The following RP1 variants were observed in gnomAD, a reference collection of about 807,000 sequenced individuals.
The protein encoded by RP1 is oxygen-regulated protein 1.
RP1 carries 16 observed loss-of-function variants against 14.8 expected under a neutral mutation model. The ratio of observed to expected loss-of-function variants is 1.08; its 90% CI spans 0.73 to 1.65. RP1 has a LOEUF of 1.65. Among genes scored for constraint, RP1 ranks in the 40% most tolerant of loss-of-function variants. RP1 has a pLI of 0.00. For missense variants in RP1, 2,631 were observed against 2,535.0 expected (o/e 1.04, Z -0.81); for synonymous variants, 876 against 883.6 (o/e 0.99, Z 0.15).
At chr8:54,662,673 G>A (rs1563340961) in intron 6 of RP1, among the ~76,000 whole-genome samples, 1 of 152,150 alleles carries the variant, frequency 6.6e-6, no homozygotes. Flanking sequence ...CCCCATATCT[G>A]AGGTCCCAGT....
At position 54,799,471 on chromosome 8, in the gene RP1, A is replaced by T. The variant is rs565720023; in HGVS notation, c.3615+15761A>T. ...CCTGTCATTTCACTATGTTTAGACCATTCTCATTTAAAGTGATTATTATAT... is the reference window on the plus strand; with the variant it reads ...CCTGTCATTTCACTATGTTTAGACCTTTCTCATTTAAAGTGATTATTATAT... On this transcript the variant is annotated intron_variant, in intron 24 of 28. Coordinates refer to the RP1 transcript ENST00000637698. 3.3e-5 allele frequency among the ~76,000 whole-genome samples: 5 copies of T among 152,080 alleles called. No individual in the cohort carries two copies. The South Asian group carries it at 1.0e-3, about 32-fold the overall frequency.
intron 25 of RP1, among the ~76,000 whole-genome samples, chr8:54,845,513 A>G (rs976325769): frequency 6.6e-5 from 10 of 152,226 alleles, no homozygotes; most frequent in Non-Finnish European, 1.5e-4. Flanking sequence ...GGACTTCTGC[A>G]GCAGTGCCCT....
rs1488349019 is a variant in RP1, at chr8:54,757,272, A to G, written c.3093+1502A>G. Among the ~76,000 whole-genome samples the G allele has an allele frequency of 3.3e-5, 5 of 152,230 alleles. No homozygotes were observed. In the East Asian group the frequency reaches 9.6e-4, roughly 29 times the overall value. ...CTCTACAAGGTGTCCTGGCACGATAATAAAACATAGCAATATATGTAACAG... is the reference window on the plus strand; with the variant it reads ...CTCTACAAGGTGTCCTGGCACGATAGTAAAACATAGCAATATATGTAACAG... On this transcript the variant is annotated intron_variant, in intron 21 of 22. Coordinates refer to the RP1 transcript ENST00000636932.
chr8:54,585,571 G>T (rs1563318727), intron 1 of RP1, among the ~76,000 whole-genome samples: 1 of 152,158 alleles, frequency 6.6e-6, no homozygotes, highest in Admixed American at 6.5e-5. Context: ...CAGTTCTCCT[G>T]GATAATATCC....
At chr8:54,841,518 A>G (rs1216406973) in intron 25 of RP1, among the ~76,000 whole-genome samples, 1 of 152,216 alleles carries the variant, frequency 6.6e-6, no homozygotes, top group Non-Finnish European at 1.5e-5. Context: ...TGTTTTCAAA[A>G]GAAAAGTGTT....
At chr8:54,686,509 C>T (rs1807566077) in intron 12 of RP1, among the ~76,000 whole-genome samples, 1 of 152,034 alleles carries the variant, frequency 6.6e-6, no homozygotes, top group Admixed American at 6.6e-5. Context: ...TGCTGAACCA[C>T]TTCTAGGCAA....
intron 21 of RP1, among the ~76,000 whole-genome samples, chr8:54,757,311 C>T (rs967246929): frequency 5.3e-5 from 8 of 152,292 alleles, no homozygotes; most frequent in Middle Eastern, 3.4e-3. Context: ...AAATTTAATT[C>T]TGTCTTCAAA....
rs1331816719 is a variant in RP1 at position 54,580,219 on chromosome 8, AG to A, written c.-13+20900del. On this transcript the variant is annotated intron_variant, in intron 1 of 22. Coordinates refer to the RP1 transcript ENST00000636932. The stretch of plus-strand genomic sequence containing the variant: ...CTTGGTGTAATGCCTGGCATGTAAT[AG>A]CCACTTAATAACTGGTAGCATTTAT... 7.9e-3 allele frequency among the ~76,000 whole-genome samples: 1,201 copies of A among 151,824 alleles called. 9 individuals are homozygous for A. The highest frequency in any genetic ancestry group is 0.027 in the African/African-American group (1,117 of 41,426).
In RP1 at chr8:54,776,818, C is replaced by T. The variant is rs368066586; in HGVS notation, c.3451+6651C>T. Among the ~76,000 whole-genome samples the T allele has an allele frequency of 5.9e-4, 90 of 152,280 alleles. 1 individual carries two copies. Among genetic ancestry groups the T allele is most frequent in the African/African-American group, 1.7e-3 (70 of 41,568 alleles). On this transcript the variant is annotated intron_variant, in intron 23 of 28. Coordinates refer to the RP1 transcript ENST00000637698. ...GATATTTGACTGTCACACTCTCCTC[C>T]CTGTTAAGGGTCAAGATTTGAGGTG...
intron 23 of RP1, among the ~76,000 whole-genome samples, chr8:54,776,226 G>A (rs759758757): frequency 6.6e-6 from 1 of 152,152 alleles, no homozygotes; most frequent in Non-Finnish European, 1.5e-5. Context: ...TTTAGAGACA[G>A]GGTCTTGCTC....
At position 54,621,185 on chromosome 8, in the gene RP1, G is replaced by T; in HGVS notation, c.219G>T (p.Lys73Asn). The T allele has an allele frequency of 1.2e-6, 2 of 1,614,140 alleles. No homozygotes were observed. The highest frequency in any genetic ancestry group is 4.5e-5 in the East Asian group (2 of 44,876). The change falls in exon 2 of 4, where the codon AAG becomes AAT. Residue 73 changes from lysine to asparagine, a missense_variant. Lys to Asn is a moderately conservative substitution (Grantham distance 94). Transcript: ENST00000220676. ...CTCTGCTGGATAACTTGTCCAGGAA[G>T]GTGCCCCTCCCTTTTGGAGTGAGGA... The part of the protein sequence containing the change: ...FDALLDNLSR[K>N]VPLPFGVRNI...
At chr8:54,759,836 C>A (rs1274561854) in intron 22 of RP1, among the ~76,000 whole-genome samples, 1 of 152,048 alleles carries the variant, frequency 6.6e-6, no homozygotes, top group African/African-American at 2.4e-5. Flanking sequence ...GAGTTAAAAC[C>A]CAATCTGTTG....
intron 25 of RP1, among the ~76,000 whole-genome samples, chr8:54,846,310 G>T (rs1811919173): frequency 6.6e-6 from 1 of 152,178 alleles, no homozygotes; most frequent in South Asian, 2.1e-4. Context: ...TATCTGCATT[G>T]TTTTCACCAT....
chr8:54,626,504 G>C lies in RP1; in HGVS notation c.2622G>C (p.Gly874=). The part of the protein sequence containing the change: ...ITLKSQKKRK[G]DKVKASAILS... The stretch of plus-strand genomic sequence containing the variant: ...TAAAAAGCCAGAAAAAACGTAAAGG[G>C]GATAAAGTGAAAGCAAGTGCTATTT... Residue 874 remains glycine (G), a synonymous_variant, in exon 4 of 4, where the codon GGG becomes GGC. Transcript: ENST00000220676. The C allele has an allele frequency of 6.2e-7, 1 of 1,613,620 alleles. No individual in the cohort carries two copies. The highest frequency in any genetic ancestry group is 8.5e-7 in the Non-Finnish European group (1 of 1,179,898).
chr8:54,750,090 T>C (rs1010614771), intron 19 of RP1, among the ~76,000 whole-genome samples: 1 of 152,166 alleles, frequency 6.6e-6, no homozygotes, highest in African/African-American at 2.4e-5. Context: ...TTTCTCATTC[T>C]GGTAATAGAA....
intron 12 of RP1, chr8:54,696,263 A>G (rs1176804345): frequency 1.2e-5 from 4 of 324,428 alleles, no homozygotes; most frequent in African/African-American, 8.7e-5. Context: ...AATAACTACC[A>G]TAATCCTCCT....
intron 8 of RP1, among the ~76,000 whole-genome samples, chr8:54,677,332 A>T (rs745481498): frequency 1.3e-5 from 2 of 151,986 alleles, no homozygotes; most frequent in African/African-American, 2.4e-5. Flanking sequence ...GGAACCACTG[A>T]TCTAGGGAAC....
intron 22 of RP1, among the ~76,000 whole-genome samples, chr8:54,761,372 G>T (rs923510786): frequency 2.7e-4 from 41 of 151,926 alleles, no homozygotes; most frequent in African/African-American, 9.4e-4. Context: ...AAGTAGCTGG[G>T]ATTACAGGCA....
intron 12 of RP1, chr8:54,680,046 A>G (rs2129335374): frequency 1.5e-6 from 2 of 1,366,530 alleles, no homozygotes; most frequent in Admixed American, 5.8e-5. Flanking sequence ...ATGGCTTTAC[A>G]CAAGTGTTAG....
Sources: gnomAD v4.1 joint callset for allele counts (sites outside exome capture counted in the v4.1 genomes callset) on GRCh38, gnomAD v4.1.1 for gene constraint, MANE v1.5 for transcripts, NCBI Gene and HGNC (gene_info 2026-07-23, HGNC 2026-07-21) for gene names.